Variants in TMEM181 observed in about 807,000 individuals in gnomAD.
The protein encoded by TMEM181 is transmembrane protein 181.
TMEM181 carries 39 observed loss-of-function variants against 71.9 expected under a neutral mutation model. The observed-to-expected ratio is 0.54, with a 90% CI of 0.42 to 0.71. TMEM181 has a LOEUF of 0.71. TMEM181 is among the 30% of genes least tolerant of loss of function. The probability of loss-of-function intolerance (pLI) is 0.00; values close to 1 mark genes in which losing one functional copy is unlikely to be tolerated. For missense variants in TMEM181, 595 were observed against 583.0 expected (o/e 1.02, Z -0.21); for synonymous variants, 245 against 228.8 (o/e 1.07, Z -0.64).
chr6:158,554,450 C>A (rs1289882897), intron 1 of TMEM181, among the ~76,000 whole-genome samples: 1 of 151,938 alleles, frequency 6.6e-6, no homozygotes, highest in Non-Finnish European at 1.5e-5. Flanking sequence ...GAACTCCTGA[C>A]CGCAGGTGAT....
intron 1 of TMEM181, among the ~76,000 whole-genome samples, chr6:158,550,052 G>T (rs1781669559): frequency 6.8e-6 from 1 of 146,040 alleles, no homozygotes; most frequent in East Asian, 2.1e-4. Flanking sequence ...AAGCATCACT[G>T]ATCAATCATC....
intron 2 of TMEM181, among the ~76,000 whole-genome samples, chr6:158,579,142 C>G (rs1200156734): frequency 6.6e-6 from 1 of 151,980 alleles, no homozygotes; most frequent in African/African-American, 2.4e-5. Flanking sequence ...GCCTGTAATC[C>G]CAGCTACTTG....
intron 10 of TMEM181, among the ~76,000 whole-genome samples, chr6:158,618,306 C>T (rs555651318): frequency 3.9e-3 from 518 of 132,332 alleles, no homozygotes; most frequent in African/African-American, 0.014. Context: ...GCAACCCCTG[C>T]TTTTGTTGTT....
rs77607921 is a variant in TMEM181, at chr6:158,540,372, G to A, written c.131+3507G>A. Among the ~76,000 whole-genome samples the A allele has an allele frequency of 1.1e-3, 160 of 152,310 alleles. 4 individuals carry two copies. The East Asian group carries it at 0.025, about 24-fold the overall frequency. ...GCCCAGCATTTGCTGTCGGGTATATGCCCTGCAGAAATGCATACATGGGGC... is the reference window on the plus strand; with the variant it reads ...GCCCAGCATTTGCTGTCGGGTATATACCCTGCAGAAATGCATACATGGGGC... On this transcript the variant is annotated intron_variant, in intron 1 of 16. Transcript: ENST00000367090.
intron 11 of TMEM181, 49 bp downstream of exon 11, chr6:158,623,656 G>T: frequency 1.5e-6 from 2 of 1,321,978 alleles, no homozygotes; most frequent in Non-Finnish European, 2.1e-6. Context: ...ATGCTGTTTT[G>T]TAAAATTACT....
chr6:158,625,129 T>G lies in TMEM181; in HGVS notation c.980T>G (p.Val327Gly). 1 of 1,614,168 alleles carries G rather than the reference T, an allele frequency of 6.2e-7. No homozygotes were observed. The highest frequency in any genetic ancestry group is 1.1e-5 in the South Asian group (1 of 91,088). The change falls in exon 12 of 17, where the codon GTG becomes GGG. Residue 327 changes from valine to glycine, a missense_variant. Val to Gly is a moderately radical substitution (Grantham distance 109, BLOSUM62 -3). Transcript: ENST00000684151. ...GGAATGAAGGTCTTCTTCATGGTGGTGGCAGCGGTGTACATTCTGTACCTC... is the reference window on the plus strand; with the variant it reads ...GGAATGAAGGTCTTCTTCATGGTGGGGGCAGCGGTGTACATTCTGTACCTC... ...FQGMKVFFMV[V>G]AAVYILYLLF...
chr6:158,584,094 C>G (rs780589152), intron 4 of TMEM181, 50 bp downstream of exon 4: 2 of 1,473,958 alleles, frequency 1.4e-6, no homozygotes, highest in East Asian at 2.3e-5. Flanking sequence ...GAAGAAACAT[C>G]GTATTTTAGA....
chr6:158,623,435 G>T, intron 10 of TMEM181, 115 bp from the exon 11 acceptor site: 1 of 592,632 alleles, frequency 1.7e-6, no homozygotes, highest in South Asian at 2.7e-5. Context: ...TTCACTGTTG[G>T]TAGGAAGTAG....
At chr6:158,618,611 G>GT (rs569792261) in intron 10 of TMEM181, among the ~76,000 whole-genome samples, 161 of 152,330 alleles carry the variant, frequency 1.1e-3, no homozygotes, top group African/African-American at 3.3e-3. Context: ...AGTTTGGCAT[G>GT]TTTTTGCAGT....
upstream of TMEM181, among the ~76,000 whole-genome samples, chr6:158,557,795 G>A (rs778320849): frequency 1.8e-4 from 28 of 152,188 alleles, no homozygotes; most frequent in Non-Finnish European, 1.0e-4. Context: ...GATTATAGGC[G>A]TGAGCCACCA....
intron 10 of TMEM181, among the ~76,000 whole-genome samples, chr6:158,613,322 C>T (rs1333688167): frequency 6.6e-6 from 1 of 152,148 alleles, no homozygotes; most frequent in African/African-American, 2.4e-5. Context: ...CTTTATTATA[C>T]TTGGCTTATT....
rs760898987 is a variant in TMEM181 at position 158,608,684 on chromosome 6, A to G, written c.830A>G (p.Tyr277Cys). ...VQGERKCLTF[Y>C]LPKFFIVGLL... ...GGAGAAAGAAAGTGTTTAACTTTCT[A>G]TTTGCCTAAATTCTTCATTGTTGGA... Residue 277 changes from tyrosine (Y) to cysteine (C), a missense_variant, in exon 10 of 17, where the codon TAT becomes TGT. Transcript: ENST00000684151. 1.6e-5 allele frequency: 26 copies of G among 1,611,184 alleles called. No homozygotes were observed. The highest frequency in any genetic ancestry group is 2.2e-5 in the East Asian group (1 of 44,896).
At chr6:158,556,795 C>A (rs544973112), upstream of TMEM181, among the ~76,000 whole-genome samples, 8 of 152,120 alleles carry the variant, frequency 5.3e-5, no homozygotes, top group Middle Eastern at 3.4e-3. Flanking sequence ...TGGAGTCTCG[C>A]TCTGTTGCCC....
intron 1 of TMEM181, among the ~76,000 whole-genome samples, chr6:158,561,716 G>A (rs2119526): frequency 0.62 from 94,466 of 152,068 alleles, 30,339 homozygotes; most frequent in African/African-American, 0.78. Flanking sequence ...CAAGCAAAAC[G>A]CAGCTTGAAT....
chr6:158,560,156 C>G lies in TMEM181; in HGVS notation c.-69C>G, dbSNP rs573259835. 1.0e-6 allele frequency: 1 copy of G among 984,854 alleles called. No individual in the cohort carries two copies. Among genetic ancestry groups the G allele is most frequent in the South Asian group, 4.7e-5 (1 of 21,286 alleles). The allele number at this position is 984,854 out of a possible 1,614,324, so 61.0% of individuals were successfully genotyped here. On this transcript the variant is annotated 5_prime_UTR_variant, in exon 1 of 17. Transcript: ENST00000684151. ...CGGCTCCGGCTGCGGCTGCCGCTGC[C>G]GAGGCTGCTGCGCGGCGCCTGGCGG...
chr6:158,540,645 G>A (rs908474939), intron 1 of TMEM181, among the ~76,000 whole-genome samples: 2 of 152,212 alleles, frequency 1.3e-5, no homozygotes, highest in Non-Finnish European at 2.9e-5. Flanking sequence ...GCTGGGCGTG[G>A]TGGTGCATGC....
intron 10 of TMEM181, 86 bp downstream of exon 10, chr6:158,608,836 G>T: frequency 7.9e-7 from 1 of 1,261,330 alleles, no homozygotes; most frequent in East Asian, 2.3e-5. Flanking sequence ...AGTGGCTCAC[G>T]CCTGTAATCC....
At chr6:158,628,354 A>G in intron 13 of TMEM181, 54 bp from the exon 14 acceptor site, 1 of 1,532,250 alleles carries the variant, frequency 6.5e-7, no homozygotes, top group Non-Finnish European at 9.0e-7. Context: ...CTCTGAAGCT[A>G]GTGCCGTTTT....
chr6:158,601,272 G>A (rs1374776677), intron 6 of TMEM181, among the ~76,000 whole-genome samples: 2 of 152,220 alleles, frequency 1.3e-5, no homozygotes, highest in African/African-American at 4.8e-5. Flanking sequence ...TGATAGGCCA[G>A]GCATGGTAGC....
Sources: allele counts gnomAD v4.1 joint callset (sites outside exome capture counted in the v4.1 genomes callset), GRCh38; gene constraint gnomAD v4.1.1; transcripts MANE v1.5; gene names NCBI Gene and HGNC (gene_info 2026-07-23, HGNC 2026-07-21).